Variants in MFGE8 observed in about 807,000 individuals in gnomAD.
MFGE8 encodes milk fat globule EGF and factor V/VIII domain containing.
Under a neutral mutation model 42.6 loss-of-function variants are expected in MFGE8, and 34 were observed. That is an observed-to-expected ratio of 0.80 (90% CI 0.61 to 1.06). The LOEUF (loss-of-function observed/expected upper bound fraction) is 1.06, where lower values mean the gene tolerates loss of function less well. Ranked by LOEUF, MFGE8 falls within the 50% of genes least tolerant of loss-of-function variation. The pLI, the probability that MFGE8 is intolerant of heterozygous loss-of-function variation, is 0.00. For missense variants in MFGE8, 510 were observed against 516.9 expected, an observed-to-expected ratio of 0.99 and a Z score of 0.13; for synonymous variants, 230 against 214.8, an observed-to-expected ratio of 1.07 and a Z score of -0.62.
Position 88,898,905 on chromosome 15 carries a change from G to A in MFGE8, c.*490C>T. Reference sequence around the variant, plus strand: ...GACAAGGGGAAGTGTCTTGGGGACAGGGGGCCACAGCAGTTGTGGCCACAT... The same window carrying A: ...GACAAGGGGAAGTGTCTTGGGGACAAGGGGCCACAGCAGTTGTGGCCACAT... On this transcript the variant is annotated 3_prime_UTR_variant, in exon 8 of 8. Transcript: ENST00000268150. 1 of 215,022 alleles carries A rather than the reference G, an allele frequency of 4.7e-6. No homozygotes were observed. The highest frequency in any genetic ancestry group is 8.2e-5 in the South Asian group (1 of 12,158). 13.3% of individuals were successfully genotyped at this position (215,022 alleles called of 1,614,324 possible).
intron 1 of MFGE8, chr15:88,912,871 C>T: frequency 2.0e-6 from 2 of 985,454 alleles, no homozygotes; most frequent in Non-Finnish European, 2.4e-6. Context: ...CTTATCCATA[C>T]TAGAGTCCTA....
chr15:88,909,876 T>C lies in MFGE8; in HGVS notation c.121A>G (p.Ile41Val). The C allele has an allele frequency of 1.2e-6, 2 of 1,614,048 alleles. No homozygotes were observed. The highest frequency in any genetic ancestry group is 1.7e-6 in the Non-Finnish European group (2 of 1,180,008). Residue 41 changes from isoleucine (I) to valine (V), a missense_variant, in exon 2 of 8, where the codon ATT (isoleucine) becomes GTT (valine). By Grantham distance (29) the Ile-to-Val change is conservative. Coordinates refer to ENST00000268150, the MANE Select transcript of MFGE8 (RefSeq NM_005928.4). ...ACATCTCCTCGCACTTCTTGGGAAATCTCCTCGCATAAACCACCGTTGTGG... is the reference window on the plus strand; with the variant it reads ...ACATCTCCTCGCACTTCTTGGGAAACCTCCTCGCATAAACCACCGTTGTGG... ...PCHNGGLCEE[I>V]SQEVRGDVFP...
rs1198325368 is a variant in MFGE8 at position 88,902,176 on chromosome 15, T to C, written c.686-441A>G. On this transcript the variant is annotated intron_variant, in intron 5 of 7. Transcript: ENST00000268150. This position sits in a 1 kb window ranked among gnomAD's most constrained non-coding sequence, Gnocchi z 4.3. ...CCCATCCGTCCCATGGCACAGTCAC[T>C]ATCTACTTTAATAACAACCACATTG... is the stretch of plus-strand genomic sequence containing the variant. 2 of 204,920 alleles carry C rather than the reference T, an allele frequency of 9.8e-6. No individual in the cohort carries two copies. The highest frequency in any genetic ancestry group is 4.6e-5 in the African/African-American group (2 of 43,908). The allele number at this position is 204,920 out of a possible 1,614,324, so 12.7% of individuals were successfully genotyped here.
Position 88,905,959 on chromosome 15 carries a change from G to A in MFGE8, c.541-58C>T. ...GTCCATCTGAGCAGTCCCCCTCCCT[G>A]GGGTTACCTCATCTTCCTCTTCAGA... On this transcript the variant is annotated intron_variant, in intron 4 of 7. Transcript: ENST00000268150. The surrounding 1 kb of genome is among the most constrained non-coding windows in gnomAD (Gnocchi z 6.6). The A allele has an allele frequency of 6.2e-7, 1 of 1,602,588 alleles. No homozygotes were observed. Among genetic ancestry groups the A allele is most frequent in the South Asian group, 1.1e-5 (1 of 90,734 alleles).
intron 1 of MFGE8, chr15:88,912,686 G>C: frequency 1.0e-6 from 1 of 985,334 alleles, no homozygotes; most frequent in Non-Finnish European, 1.2e-6. Context: ...CAAGCTCCTC[G>C]AAGCCTCTGG....
At chr15:88,907,476 T>A in intron 2 of MFGE8, 100 bp from the exon 3 acceptor site, 1 of 1,082,312 alleles carries the variant, frequency 9.2e-7, no homozygotes, top group Non-Finnish European at 1.4e-6. Flanking sequence ...GACCTCTGCC[T>A]AAGCCCCAGG....
rs775091093 is a variant in MFGE8, at chr15:88,905,628, G to A, written c.685+129C>T. On this transcript the variant is annotated intron_variant, in intron 5 of 7. Transcript: ENST00000268150. This position sits in a 1 kb window ranked among gnomAD's most constrained non-coding sequence, Gnocchi z 6.6. ...TGACCCCCTAGAGTGCGTTGCCCGA[G>A]TGAAGCCTGGTCCCCGTGCCTTGTT... 12 of 1,315,306 alleles carry A rather than the reference G, an allele frequency of 9.1e-6. No individual in the cohort carries two copies. Among genetic ancestry groups the A allele is most frequent in the Non-Finnish European group, 1.3e-5 (12 of 930,182 alleles). 81.5% of individuals were successfully genotyped at this position (1,315,306 alleles called of 1,614,324 possible).
chr15:88,900,840 G>C (rs1264797979), intron 6 of MFGE8: 1 of 789,426 alleles, frequency 1.3e-6, no homozygotes, highest in Non-Finnish European at 1.5e-6. Context: ...GTGCTCAAGG[G>C]AGAGGTCCCA....
Position 88,907,134 on chromosome 15 carries a change from G to T in MFGE8, c.387+61C>A. On this transcript the variant is annotated intron_variant, in intron 3 of 7. Transcript: ENST00000268150. ...AACCCTCCTGGGGTAACCCCCAAAT[G>T]CAGAAACATTCATCGAGCCTTCTCT... 1.9e-6 allele frequency: 3 copies of T among 1,558,360 alleles called. No homozygotes were observed. In the South Asian group the frequency reaches 3.5e-5, roughly 18 times the overall value.
At position 88,901,791 on chromosome 15, in the gene MFGE8, G is replaced by A. The variant is rs1031756052; in HGVS notation, c.686-56C>T. 6 of 1,551,376 alleles carry A rather than the reference G, an allele frequency of 3.9e-6. No homozygotes were observed. In the African/African-American group the frequency reaches 5.4e-5, roughly 14 times the overall value. ...TGGGATCCACAGCTCCCAGGGGCAG[G>A]AGCACAAGGCGATGAAGCAGAAAGA... On this transcript the variant is annotated intron_variant, in intron 5 of 7. Coordinates refer to ENST00000268150, the MANE Select transcript of MFGE8 (RefSeq NM_005928.4).
At chr15:88,912,357 A>G in intron 1 of MFGE8, 1 of 984,866 alleles carries the variant, frequency 1.0e-6, no homozygotes, top group Non-Finnish European at 1.2e-6. Flanking sequence ...AGCTTGGAGC[A>G]CTCTGGAAGC....
chr15:88,908,973 G>C (rs4932450), intron 2 of MFGE8, among the ~76,000 whole-genome samples: 1 of 151,890 alleles, frequency 6.6e-6, no homozygotes, highest in Non-Finnish European at 1.5e-5. Flanking sequence ...GATGTCCCCT[G>C]TCCCCTACCC....
chr15:88,913,191 TTC>T, intron 1 of MFGE8, 54 bp downstream of exon 1: 3 of 1,476,252 alleles, frequency 2.0e-6, no homozygotes, highest in Non-Finnish European at 2.7e-6. Context: ...CCGGGCAAAC[TTC>T]CGAGCGGCGC....
rs747199185 is a variant in MFGE8, at chr15:88,899,759, C to T, written c.923G>A (p.Arg308His). The change falls in exon 7 of 8, where the codon CGT becomes CAT. Residue 308 changes from arginine to histidine, a missense_variant. Transcript: ENST00000268150. The surrounding 1 kb of genome is among the most constrained non-coding windows in gnomAD (Gnocchi z 6.8). ...CACAAACTGGACAGAGCCAAAGTTA[C>T]GGGCCCCCTGGGTGATGATGCCTGT... Reference protein sequence around the residue: ...EVTGIITQGARNFGSVQFVAS... With the variant: ...EVTGIITQGAHNFGSVQFVAS... The T allele has an allele frequency of 2.2e-5, 36 of 1,614,010 alleles. No homozygotes were observed. The highest frequency in any genetic ancestry group is 5.0e-5 in the Admixed American group (3 of 59,994).
chr15:88,901,265 A>C (rs1016872915), intron 6 of MFGE8, among the ~76,000 whole-genome samples: 1 of 125,550 alleles, frequency 8.0e-6, no homozygotes, highest in East Asian at 2.2e-4. Context: ...ATTCACACGC[A>C]CGCATTCACA....
intron 2 of MFGE8, among the ~76,000 whole-genome samples, 156 bp downstream of exon 2, chr15:88,909,634 CTG>C (rs1898861965): frequency 6.6e-6 from 1 of 152,094 alleles, no homozygotes; most frequent in African/African-American, 2.4e-5. Flanking sequence ...AACTGAGGCT[CTG>C]TCTCTCTCTC....
chr15:88,910,144 C>G (rs1015143902), intron 1 of MFGE8: 8 of 523,132 alleles, frequency 1.5e-5, no homozygotes, highest in Admixed American at 1.1e-4. Flanking sequence ...AAGCGCCCAG[C>G]TTTCCAAGTG....
rs756877775 is a variant in MFGE8 at position 88,906,553 on chromosome 15, G to C, written c.540+73C>G. The C allele has an allele frequency of 2.2e-5, 35 of 1,572,036 alleles. No individual in the cohort carries two copies. Among genetic ancestry groups the C allele is most frequent in the Non-Finnish European group, 2.9e-5 (33 of 1,143,068 alleles). On this transcript the variant is annotated intron_variant, in intron 4 of 7. Coordinates refer to ENST00000268150, the MANE Select transcript of MFGE8 (RefSeq NM_005928.4). This position sits in a 1 kb window ranked among gnomAD's most constrained non-coding sequence, Gnocchi z 4.2. ...ACCTAGGGTTCTCTGGACTCGCTGGGGGTCCTCAGTCAATGCTAGAACCTT... is the reference window on the plus strand; with the variant it reads ...ACCTAGGGTTCTCTGGACTCGCTGGCGGTCCTCAGTCAATGCTAGAACCTT...
chr15:88,906,027 G>C lies in MFGE8; in HGVS notation c.541-126C>G. On this transcript the variant is annotated intron_variant, in intron 4 of 7. Transcript: ENST00000268150. This position sits in a 1 kb window ranked among gnomAD's most constrained non-coding sequence, Gnocchi z 4.2. ...GGGCTGGGAGGGTGAAGAGGACTTG[G>C]AAGAGCCAGCAGAGGCTCACACAGC... 8.5e-7 allele frequency: 1 copy of C among 1,172,156 alleles called. No homozygotes were observed. The highest frequency in any genetic ancestry group is 1.3e-6 in the Non-Finnish European group (1 of 797,086). 72.6% of individuals were successfully genotyped at this position (1,172,156 alleles called of 1,614,324 possible).
Sources: allele counts gnomAD v4.1 joint callset (sites outside exome capture counted in the v4.1 genomes callset), GRCh38; gene constraint gnomAD v4.1.1; non-coding constraint Gnocchi (gnomAD v3.1); transcripts MANE v1.5; gene names NCBI Gene and HGNC (gene_info 2026-07-23, HGNC 2026-07-21).